Variants in PLCE1 observed in about 807,000 individuals in gnomAD.
PLCE1 encodes phospholipase C epsilon 1.
PLCE1 carries 119 observed loss-of-function variants against 242.8 expected under a neutral mutation model. The ratio of observed to expected loss-of-function variants is 0.49; its 90% CI spans 0.42 to 0.57. The LOEUF (loss-of-function observed/expected upper bound fraction) is 0.57, where lower values mean the gene tolerates loss of function less well. PLCE1 is among the 20% of genes least tolerant of loss of function. The probability of loss-of-function intolerance (pLI) is 0.00; values close to 1 mark genes in which losing one functional copy is unlikely to be tolerated. For synonymous variants in PLCE1, 945 were observed against 1,017.4 expected (o/e 0.93, Z 1.35); for missense variants, 2,441 against 2,788.8 (o/e 0.88, Z 2.81).
At chr10:94,071,495 GTTTTTTT>G (rs559496577) in intron 2 of PLCE1, among the ~76,000 whole-genome samples, 9 of 83,316 alleles carry the variant, frequency 1.1e-4, no homozygotes, top group East Asian at 4.4e-4. Context: ...TTTGGTTTTC[GTTTTTTT>G]TTTTTTTTTT....
At chr10:94,093,928 G>GTATT (rs2045183118) in intron 2 of PLCE1, among the ~76,000 whole-genome samples, 4 of 124,892 alleles carry the variant, frequency 3.2e-5, no homozygotes, top group African/African-American at 1.4e-4. Flanking sequence ...CATTTAATCG[G>GTATT]TATTTCTTTT....
At chr10:94,014,336 G>T (rs1487581685) in intron 1 of PLCE1, among the ~76,000 whole-genome samples, 2 of 151,908 alleles carry the variant, frequency 1.3e-5, no homozygotes, top group African/African-American at 4.8e-5. Context: ...AGGTGGAGTG[G>T]CTCAAGCCTG....
intron 2 of PLCE1, among the ~76,000 whole-genome samples, chr10:94,130,550 C>T (rs2046568026): frequency 1.3e-5 from 2 of 152,172 alleles, no homozygotes; most frequent in South Asian, 4.1e-4. Flanking sequence ...TAATGACCAG[C>T]TCTCTATCTG....
intron 4 of PLCE1, among the ~76,000 whole-genome samples, chr10:94,171,706 A>G (rs538697021): frequency 3.0e-4 from 45 of 152,122 alleles, no homozygotes; most frequent in African/African-American, 1.0e-3. Context: ...CTTAAGCCTA[A>G]TTGATCTCAA....
chr10:94,257,212 T>C (rs1459018960), intron 11 of PLCE1, among the ~76,000 whole-genome samples: 1 of 151,990 alleles, frequency 6.6e-6, no homozygotes, highest in Non-Finnish European at 1.5e-5. Flanking sequence ...TGAGAGTCAC[T>C]TCAACAAACT....
In PLCE1 at chr10:94,227,378, T is replaced by A; in HGVS notation, c.1882T>A (p.Leu628Met). 3 of 1,614,068 alleles carry A rather than the reference T, an allele frequency of 1.9e-6. No individual in the cohort carries two copies. Among genetic ancestry groups the A allele is most frequent in the East Asian group, 4.5e-5 (2 of 44,866 alleles). ...MEEKREVFSYLVHVAKCCWNM... is the reference protein window; with the variant it reads ...MEEKREVFSYMVHVAKCCWNM... ...GGAGAAGCGAGAAGTCTTTTCATAT[T>A]TGGTGCATGTGGCCAAATGCTGCTG... The change falls in exon 5 of 33, where the codon TTG becomes ATG. Residue 628 changes from leucine to methionine, a missense_variant. Physicochemically the swap from Leu to Met is conservative, Grantham distance 15 (BLOSUM62 2). Around this residue, in one of 5 missense-constraint regions of PLCE1, gnomAD observed 733 missense variants for 754.2 expected, o/e 0.97. Transcript: ENST00000371380.
At chr10:94,217,900 A>G (rs1260920464) in intron 4 of PLCE1, among the ~76,000 whole-genome samples, 3 of 151,974 alleles carry the variant, frequency 2.0e-5, no homozygotes, top group Non-Finnish European at 4.4e-5. Context: ...ATGGACATAT[A>G]CACAACTGGT....
chr10:94,089,011 A>G (rs1375821734), intron 2 of PLCE1: 56 of 1,455,412 alleles, frequency 3.8e-5, no homozygotes, highest in Non-Finnish European at 5.1e-5. Context: ...ATTTCAGCTA[A>G]TGTAAACACT....
chr10:94,214,803 G>C (rs998553252), intron 4 of PLCE1, among the ~76,000 whole-genome samples: 23 of 152,200 alleles, frequency 1.5e-4, no homozygotes, highest in Admixed American at 1.1e-3. Context: ...CGAGGACCAA[G>C]AGTGAATCAC....
chr10:94,075,583 A>G (rs1172122164), intron 2 of PLCE1, among the ~76,000 whole-genome samples: 1 of 152,250 alleles, frequency 6.6e-6, no homozygotes, highest in Non-Finnish European at 1.5e-5. Flanking sequence ...AAGCATTGGT[A>G]TCGGTGTCTA....
At chr10:94,131,130 C>T (rs2046587228) in intron 2 of PLCE1, among the ~76,000 whole-genome samples, 1 of 152,148 alleles carries the variant, frequency 6.6e-6, no homozygotes. Flanking sequence ...CTCAAGGTGA[C>T]ATGATAGAGA....
chr10:94,152,236 A>G (rs1807023285), intron 3 of PLCE1, among the ~76,000 whole-genome samples: 2 of 152,240 alleles, frequency 1.3e-5, no homozygotes, highest in South Asian at 4.1e-4. Context: ...TTCTACTTAA[A>G]TCGTCAAACG....
At chr10:94,172,505 G>A (rs191133865) in intron 4 of PLCE1, among the ~76,000 whole-genome samples, 27 of 152,256 alleles carry the variant, frequency 1.8e-4, no homozygotes, top group African/African-American at 6.0e-4. Flanking sequence ...ATCTCTGATT[G>A]TCTGAGGATC....
chr10:94,325,650 T>C (rs142048058), intron 32 of PLCE1: 4 of 151,964 alleles, frequency 2.6e-5, no homozygotes, highest in Admixed American at 6.5e-5. Context: ...GCTTTTGTAA[T>C]TTTAGACCCC....
chr10:94,204,802 G>GGAAA lies in PLCE1; in HGVS notation c.1810-22504_1810-22503insGAAA, dbSNP rs1564786995. ...AGGAAGGAAGGAAGGAAGGAAGGAAGCAAAATAATGTGTGCTGTAGAAAAT... is the reference window on the plus strand; with the variant it reads ...AGGAAGGAAGGAAGGAAGGAAGGAAGGAAACAAAATAATGTGTGCTGTAGAAAAT... On this transcript the variant is annotated intron_variant, in intron 4 of 32. Transcript: ENST00000371380. Among the ~76,000 whole-genome samples the GGAAA allele has an allele frequency of 3.0e-3, 110 of 37,076 alleles. 1 individual carries two copies. The highest frequency in any genetic ancestry group is 0.01 in the African/African-American group (105 of 10,488). The allele number at this position is 37,076 out of a possible 152,430, so 24.3% of individuals were successfully genotyped here. A position where few individuals can be genotyped will look rare whatever the true frequency, so the allele number is the denominator to read the frequency against.
At position 94,298,396 on chromosome 10, in the gene PLCE1, C is replaced by T. The variant is rs777329061; in HGVS notation, c.5185C>T (p.Arg1729Ter). 6.8e-6 allele frequency: 11 copies of T among 1,614,058 alleles called. No homozygotes were observed. The highest frequency in any genetic ancestry group is 8.5e-6 in the Non-Finnish European group (10 of 1,179,968). The change falls in exon 24 of 33, where the codon CGA becomes TGA. Residue 1729 changes from arginine to a stop codon, truncating the protein, a stop_gained. Coordinates refer to ENST00000371380, the MANE Select transcript of PLCE1 (RefSeq NM_016341.4). LOFTEE classifies it high-confidence loss of function. This position sits in a 1 kb window ranked among gnomAD's most constrained non-coding sequence, Gnocchi z 5.2. ...GGGTTTAGGTTCCTGTGAAGGCATT[C>T]GACAGACCTGGGAGGAATCTTCTTC... ...TSGKSSCEGIRQTWEESSSPL... is the reference protein window; with the variant it reads ...TSGKSSCEGI
intron 2 of PLCE1, among the ~76,000 whole-genome samples, chr10:94,057,197 A>T (rs1028703252): frequency 4.6e-5 from 7 of 152,090 alleles, no homozygotes; most frequent in Non-Finnish European, 8.8e-5. Flanking sequence ...GTCATTTGGT[A>T]ATTCCATGTT....
intron 2 of PLCE1, among the ~76,000 whole-genome samples, chr10:94,081,348 T>A (rs1010760169): frequency 6.6e-6 from 1 of 152,238 alleles, no homozygotes; most frequent in Non-Finnish European, 1.5e-5. Context: ...TTTAAATTTC[T>A]TTGTGATCTA....
intron 9 of PLCE1, 41 bp from the exon 10 acceptor site, chr10:94,254,149 G>T (rs375111656): frequency 3.5e-6 from 5 of 1,429,914 alleles, no homozygotes; most frequent in Admixed American, 3.3e-5. Context: ...TGATGGGAGA[G>T]AAATACAGGC....
Sources: gnomAD v4.1 joint callset for allele counts (sites outside exome capture counted in the v4.1 genomes callset) on GRCh38, gnomAD v4.1.1 for gene constraint, gnomAD v4.1.1 regional missense constraint, Gnocchi (gnomAD v3.1) non-coding constraint, MANE v1.5 for transcripts, NCBI Gene and HGNC (gene_info 2026-07-23, HGNC 2026-07-21) for gene names.